The following AGBL4 variants were observed in gnomAD, a reference collection of about 807,000 sequenced individuals.
AGBL4 encodes AGBL carboxypeptidase 4, also known as cytosolic carboxypeptidase 6.
Under a neutral mutation model 66.4 loss-of-function variants are expected in AGBL4, and 58 were observed. The ratio of observed to expected loss-of-function variants is 0.87; its 90% CI spans 0.71 to 1.09. The LOEUF (loss-of-function observed/expected upper bound fraction) is 1.09, where lower values mean the gene tolerates loss of function less well. Among genes scored for constraint, AGBL4 ranks in the 50% least tolerant of loss-of-function variants. The pLI is 0.00. For missense variants in AGBL4, 579 were observed against 631.0 expected (o/e 0.92, Z 0.88); for synonymous variants, 234 against 222.9 (o/e 1.05, Z -0.44).
At chr1:49,524,769 A>G (rs1650528055) in intron 3 of AGBL4, among the ~76,000 whole-genome samples, 1 of 151,976 alleles carries the variant, frequency 6.6e-6, no homozygotes, top group African/African-American at 2.4e-5. Context: ...ACACCATAAT[A>G]ATTTACTCAT....
chr1:48,551,064 T>A (rs1293633739), intron 11 of AGBL4, among the ~76,000 whole-genome samples: 1 of 152,226 alleles, frequency 6.6e-6, no homozygotes, highest in Non-Finnish European at 1.5e-5. Context: ...GTTCTCACAA[T>A]TGCTGACCTT....
intron 1 of AGBL4, among the ~76,000 whole-genome samples, chr1:49,854,875 A>G (rs576600673): frequency 3.3e-5 from 5 of 151,458 alleles, no homozygotes; most frequent in African/African-American, 9.7e-5. Context: ...CAGAAACAAC[A>G]CTCCTCCAGT....
At chr1:48,693,735 C>T (rs1015542027) in intron 6 of AGBL4, among the ~76,000 whole-genome samples, 8 of 152,144 alleles carry the variant, frequency 5.3e-5, no homozygotes, top group African/African-American at 1.4e-4. Flanking sequence ...ACAGAACAGC[C>T]GTGGACCCCA....
At chr1:49,983,066 A>G (rs765928940) in intron 1 of AGBL4, among the ~76,000 whole-genome samples, 2 of 152,222 alleles carry the variant, frequency 1.3e-5, no homozygotes, top group Admixed American at 6.5e-5. Flanking sequence ...ACTTGTCTGC[A>G]TACCTCATTC....
chr1:50,018,583 T>A lies in AGBL4; in HGVS notation c.34+5180A>T, dbSNP rs980188431. On this transcript the variant is annotated intron_variant, in intron 1 of 13. Transcript: ENST00000371839. ...CTTAAATGACTCAAAGAGAAAGCTG[T>A]GATTTTATTTAGAATATATATGCAA... Among the ~76,000 whole-genome samples the A allele has an allele frequency of 2.0e-5, 3 of 152,266 alleles. No homozygotes were observed. In the South Asian group the frequency reaches 6.2e-4, roughly 31 times the overall value.
chr1:49,046,830 C>G (rs556530467), intron 4 of AGBL4, among the ~76,000 whole-genome samples: 1 of 152,116 alleles, frequency 6.6e-6, no homozygotes, highest in Non-Finnish European at 1.5e-5. Context: ...TTTGGAAGAT[C>G]CTTAAAGGAA....
intron 7 of AGBL4, among the ~76,000 whole-genome samples, chr1:48,656,094 G>A (rs1000877673): frequency 1.3e-5 from 2 of 152,166 alleles, no homozygotes; most frequent in Admixed American, 6.5e-5. Context: ...ATTTAACCAG[G>A]AAGCTGGAAA....
At chr1:49,637,691 A>G (rs1341467306) in intron 3 of AGBL4, among the ~76,000 whole-genome samples, 3 of 152,194 alleles carry the variant, frequency 2.0e-5, no homozygotes, top group African/African-American at 4.8e-5. Context: ...GCAGCTCATT[A>G]TGAATATTTA....
intron 3 of AGBL4, among the ~76,000 whole-genome samples, chr1:49,666,997 C>T (rs1646384397): frequency 6.6e-6 from 1 of 152,168 alleles, no homozygotes; most frequent in Admixed American, 6.6e-5. Flanking sequence ...TTATTGACCT[C>T]TGCCACTAAT....
chr1:49,472,655 T>G (rs1230691257), intron 3 of AGBL4, among the ~76,000 whole-genome samples: 2 of 152,026 alleles, frequency 1.3e-5, no homozygotes, highest in Non-Finnish European at 2.9e-5. Context: ...GTTTAGTTTT[T>G]GGATTATTAT....
chr1:48,813,075 A>T (rs4926761), intron 6 of AGBL4, among the ~76,000 whole-genome samples: 16 of 151,560 alleles, frequency 1.1e-4, no homozygotes, highest in African/African-American at 2.2e-4. Context: ...CAAACCTGCA[A>T]GTTGTGCACA....
chr1:48,639,127 C>A (rs957495215), intron 8 of AGBL4, among the ~76,000 whole-genome samples: 1 of 152,156 alleles, frequency 6.6e-6, no homozygotes, highest in African/African-American at 2.4e-5. Context: ...CTCCTAGATC[C>A]AGCCTGCTAA....
intron 11 of AGBL4, among the ~76,000 whole-genome samples, chr1:48,548,119 T>A (rs529666114): frequency 6.6e-6 from 1 of 152,274 alleles, no homozygotes; most frequent in Non-Finnish European, 1.5e-5. Flanking sequence ...GAGTTTAAAT[T>A]CTAGCTATGG....
intron 4 of AGBL4, among the ~76,000 whole-genome samples, chr1:49,047,044 A>G (rs1286591206): frequency 6.6e-6 from 1 of 152,096 alleles, no homozygotes; most frequent in Non-Finnish European, 1.5e-5. Context: ...TAACAGATAG[A>G]ACAGAGCATT....
chr1:49,212,351 C>G (rs1277302476), intron 4 of AGBL4, among the ~76,000 whole-genome samples: 1 of 152,086 alleles, frequency 6.6e-6, no homozygotes, highest in East Asian at 1.9e-4. Context: ...AAAGCTACGG[C>G]ATATAAAAAG....
intron 9 of AGBL4, among the ~76,000 whole-genome samples, chr1:48,609,055 A>T (rs752996357): frequency 6.6e-6 from 1 of 152,152 alleles, no homozygotes; most frequent in Non-Finnish European, 1.5e-5. Flanking sequence ...GGATCAGATA[A>T]ATAGGCCAGA....
chr1:49,094,186 T>C (rs1567136), intron 4 of AGBL4, among the ~76,000 whole-genome samples: 15,573 of 151,980 alleles, frequency 0.1, 1,308 homozygotes, highest in African/African-American at 0.22. Flanking sequence ...ATTTATAAAA[T>C]AAAACATATG....
chr1:49,262,997 C>G (rs941783413), intron 3 of AGBL4, among the ~76,000 whole-genome samples: 1 of 152,160 alleles, frequency 6.6e-6, no homozygotes, highest in Admixed American at 6.6e-5. Context: ...GAGTTCATGT[C>G]CTTTGTAGGG....
At chr1:49,095,585 G>A (rs1383640514) in intron 4 of AGBL4, among the ~76,000 whole-genome samples, 1 of 152,058 alleles carries the variant, frequency 6.6e-6, no homozygotes, top group Non-Finnish European at 1.5e-5. Flanking sequence ...ACAAGAAATG[G>A]GGAAAGGATT....
Sources: allele counts gnomAD v4.1 joint callset (sites outside exome capture counted in the v4.1 genomes callset), GRCh38; gene constraint gnomAD v4.1.1; transcripts MANE v1.5; gene names NCBI Gene and HGNC (gene_info 2026-07-23, HGNC 2026-07-21).